Variants in MED12L observed in about 807,000 individuals in gnomAD.
MED12L encodes mediator complex subunit 12L.
Under a neutral mutation model 281.3 loss-of-function variants are expected in MED12L, and 60 were observed. The ratio of observed to expected loss-of-function variants is 0.21; its 90% CI spans 0.17 to 0.26. The LOEUF (loss-of-function observed/expected upper bound fraction) is 0.26, where lower values mean the gene tolerates loss of function less well. MED12L is among the 10% of genes least tolerant of loss of function. The probability of loss-of-function intolerance (pLI) is 1.00; values close to 1 mark genes in which losing one functional copy is unlikely to be tolerated. For synonymous variants in MED12L, 974 were observed against 987.2 expected (o/e 0.99, Z 0.25); for missense variants, 2,146 against 2,680.9 (o/e 0.80, Z 4.41).
chr3:151,404,348 T>A (rs535584911), intron 39 of MED12L, among the ~76,000 whole-genome samples: 7 of 152,334 alleles, frequency 4.6e-5, no homozygotes, highest in South Asian at 4.1e-4. Context: ...TTAGAATGAA[T>A]CAGACTATTC....
intron 39 of MED12L, among the ~76,000 whole-genome samples, chr3:151,405,526 C>G (rs1327555978): frequency 6.6e-6 from 1 of 152,174 alleles, no homozygotes; most frequent in Non-Finnish European, 1.5e-5. Flanking sequence ...AATCCCAACA[C>G]TTTAGGAGGC....
chr3:151,198,482 G>C, intron 16 of MED12L: 1 of 1,612,360 alleles, frequency 6.2e-7, no homozygotes, highest in East Asian at 2.2e-5. Context: ...CTCTTTAGGT[G>C]AGGCAAAAGT....
At chr3:151,213,988 A>G in intron 16 of MED12L, 2 of 1,614,112 alleles carry the variant, frequency 1.2e-6, no homozygotes, top group Non-Finnish European at 1.7e-6. Context: ...CCCAAAGAAC[A>G]CAATGCTGAC....
intron 16 of MED12L, among the ~76,000 whole-genome samples, chr3:151,312,745 A>G (rs1276766875): frequency 6.6e-6 from 1 of 152,128 alleles, no homozygotes; most frequent in Non-Finnish European, 1.5e-5. Flanking sequence ...TAAATTACCT[A>G]TGTATATTTT....
chr3:151,130,751 CCTT>C (rs1715271879), intron 5 of MED12L, among the ~76,000 whole-genome samples: 2 of 152,216 alleles, frequency 1.3e-5, no homozygotes, highest in South Asian at 4.1e-4. Flanking sequence ...CTAAGAAAAG[CCTT>C]CTCCAACCAC....
chr3:151,324,114 G>A (rs1749305122), intron 16 of MED12L, among the ~76,000 whole-genome samples: 1 of 152,224 alleles, frequency 6.6e-6, no homozygotes, highest in Non-Finnish European at 1.5e-5. Context: ...GTTGGTGAGT[G>A]ATGTGCACCA....
intron 32 of MED12L, 25 bp downstream of exon 32, chr3:151,380,249 C>A: frequency 7.1e-7 from 1 of 1,403,610 alleles, no homozygotes; most frequent in Non-Finnish European, 9.9e-7. Context: ...AATATTAAGA[C>A]AGGCAAATAT....
intron 16 of MED12L, among the ~76,000 whole-genome samples, chr3:151,292,532 A>G (rs1193866259): frequency 6.6e-6 from 1 of 151,554 alleles, no homozygotes; most frequent in Non-Finnish European, 1.5e-5. Context: ...TGGCTTCCCT[A>G]AGTGCTGGGA....
At chr3:151,243,481 A>G (rs906852553) in intron 16 of MED12L, among the ~76,000 whole-genome samples, 4 of 152,204 alleles carry the variant, frequency 2.6e-5, no homozygotes, top group Non-Finnish European at 4.4e-5. Flanking sequence ...TAAAGACAAG[A>G]ATTTTCAACC....
chr3:151,425,247 A>T (rs1718749808), intron 43 of MED12L: 1 of 169,150 alleles, frequency 5.9e-6, no homozygotes, highest in Non-Finnish European at 1.3e-5. Context: ...TTTTGAGACA[A>T]AAAATATTTA....
intron 16 of MED12L, among the ~76,000 whole-genome samples, chr3:151,231,974 A>G (rs1027719110): frequency 2.6e-5 from 4 of 152,166 alleles, no homozygotes; most frequent in Non-Finnish European, 4.4e-5. Context: ...TGATATATGC[A>G]TGCCTATATG....
intron 20 of MED12L, among the ~76,000 whole-genome samples, chr3:151,358,802 T>C (rs117123589): frequency 6.6e-6 from 1 of 152,326 alleles, no homozygotes; most frequent in East Asian, 1.9e-4. Flanking sequence ...TTTTTCTTAT[T>C]GCTTGCAAAT....
At chr3:151,328,452 C>A in intron 16 of MED12L, 1 of 1,613,760 alleles carries the variant, frequency 6.2e-7, no homozygotes, top group Non-Finnish European at 8.5e-7. Context: ...CATTTCAGCC[C>A]CAGAGGCCCC....
chr3:151,261,919 G>A (rs1738993096), intron 16 of MED12L, among the ~76,000 whole-genome samples: 1 of 151,978 alleles, frequency 6.6e-6, no homozygotes, highest in South Asian at 2.1e-4. Flanking sequence ...TAGAGACGGG[G>A]TTTCACCACG....
intron 5 of MED12L, among the ~76,000 whole-genome samples, chr3:151,140,173 G>A (rs1010513650): frequency 1.3e-5 from 2 of 152,098 alleles, no homozygotes; most frequent in Non-Finnish European, 2.9e-5. Context: ...TGTAAAAATT[G>A]GAAGACCTCT....
At chr3:151,277,827 C>G (rs1352597535) in intron 16 of MED12L, among the ~76,000 whole-genome samples, 1 of 152,090 alleles carries the variant, frequency 6.6e-6, no homozygotes, top group Non-Finnish European at 1.5e-5. Context: ...AAACTTTTAC[C>G]TATATAAGTG....
At chr3:151,369,849 C>G (rs7634096) in intron 26 of MED12L, among the ~76,000 whole-genome samples, 1 of 151,924 alleles carries the variant, frequency 6.6e-6, no homozygotes. Flanking sequence ...TTTGCCTTCT[C>G]TGGTGGCAGA....
At chr3:151,381,472 T>G (rs1712327632) in intron 32 of MED12L, among the ~76,000 whole-genome samples, 2 of 152,346 alleles carry the variant, frequency 1.3e-5, no homozygotes, top group South Asian at 4.1e-4. Flanking sequence ...CCTCCATGGT[T>G]GTTGCACTGG....
chr3:151,123,092 G>A (rs1036895693), intron 4 of MED12L, 118 bp downstream of exon 4: 3 of 845,156 alleles, frequency 3.5e-6, no homozygotes, highest in Non-Finnish European at 5.3e-6. Flanking sequence ...CTATTGGCAG[G>A]TTTGTGGTCC....
Sources: allele counts gnomAD v4.1 joint callset (sites outside exome capture counted in the v4.1 genomes callset), GRCh38; gene constraint gnomAD v4.1.1; transcripts MANE v1.5; gene names NCBI Gene and HGNC (gene_info 2026-07-23, HGNC 2026-07-21).